The following ZNF362 variants were observed in gnomAD, a reference collection of about 807,000 sequenced individuals.
ZNF362 encodes zinc finger protein 362.
ZNF362 carries 11 observed loss-of-function variants against 42.9 expected under a neutral mutation model. The ratio of observed to expected loss-of-function variants is 0.26; its 90% CI spans 0.16 to 0.42. The LOEUF (loss-of-function observed/expected upper bound fraction) is 0.42, where lower values mean the gene tolerates loss of function less well. Among genes scored for constraint, ZNF362 ranks in the 20% least tolerant of loss-of-function variants. ZNF362 has a pLI of 1.00. For missense variants in ZNF362, 362 were observed against 576.2 expected, an observed-to-expected ratio of 0.63 and a Z score of 3.81; for synonymous variants, 255 against 257.3, an observed-to-expected ratio of 0.99 and a Z score of 0.09.
the ZNF362 span, among the ~76,000 whole-genome samples, chr1:33,185,877 G>T: frequency 3.3e-5 from 5 of 152,140 alleles, no homozygotes; most frequent in South Asian, 1.0e-3. Flanking sequence ...ACAATCACAG[G>T]CATTATTTGC....
chr1:33,200,810 C>A, the ZNF362 span, among the ~76,000 whole-genome samples: 1 of 152,146 alleles, frequency 6.6e-6, no homozygotes. Context: ...AAAGTCCTAA[C>A]CTCCAATGTG....
chr1:33,216,609 A>AAAAAAAG, the ZNF362 span, among the ~76,000 whole-genome samples: 2 of 150,888 alleles, frequency 1.3e-5, no homozygotes, highest in Admixed American at 6.6e-5. Flanking sequence ...CAAAAAAAAA[A>AAAAAAAG]AAAAAAAAAA....
At chr1:33,262,501 G>T (rs1463522259) in intron 1 of ZNF362, among the ~76,000 whole-genome samples, 2 of 151,852 alleles carry the variant, frequency 1.3e-5, no homozygotes, top group Non-Finnish European at 2.9e-5. Flanking sequence ...TAGAGATGGG[G>T]TTTCACCGTG....
At chr1:33,233,178 C>G in the ZNF362 span, among the ~76,000 whole-genome samples, 1 of 152,236 alleles carries the variant, frequency 6.6e-6, no homozygotes, top group Non-Finnish European at 1.5e-5. Flanking sequence ...CTCCCATTCT[C>G]ACTCTAAGCC....
At chr1:33,154,762 C>T in the ZNF362 span, among the ~76,000 whole-genome samples, 2 of 147,424 alleles carry the variant, frequency 1.4e-5, no homozygotes, top group African/African-American at 5.1e-5. Context: ...CACGCCACTG[C>T]ACTCCAGCCT....
At chr1:33,279,858 T>C (rs1645978322) in intron 4 of ZNF362, among the ~76,000 whole-genome samples, 1 of 152,226 alleles carries the variant, frequency 6.6e-6, no homozygotes, top group Admixed American at 6.5e-5. Flanking sequence ...TTTGCTGTTA[T>C]AAATAAGACG....
rs778521515 is a variant in ZNF362, at chr1:33,298,971, G to A, written c.1188G>A (p.Val396=). ...LMKHMSKHTV[V]EHLVSHHSPQ... is the part of the protein sequence containing the mutation. Reference sequence around the variant, plus strand: ...AGCACATGTCCAAACACACGGTGGTGGAGCACCTGGTGAGCCATCACTCGC... The same window carrying A: ...AGCACATGTCCAAACACACGGTGGTAGAGCACCTGGTGAGCCATCACTCGC... Residue 396 remains valine, a synonymous_variant, in exon 9 of 9, where the codon GTG becomes GTA. Transcript: ENST00000539719. The A allele has an allele frequency of 6.2e-7, 1 of 1,613,720 alleles. No individual in the cohort carries two copies. Among genetic ancestry groups the A allele is most frequent in the African/African-American group, 1.3e-5 (1 of 75,044 alleles).
chr1:33,141,959 C>G, the ZNF362 span: 1 of 153,008 alleles, frequency 6.5e-6, no homozygotes, highest in Non-Finnish European at 1.5e-5. Context: ...TCCCCCCTCC[C>G]CTCTCCTACT....
At chr1:33,131,557 T>C in the ZNF362 span, among the ~76,000 whole-genome samples, 8 of 152,242 alleles carry the variant, frequency 5.3e-5, no homozygotes, top group Non-Finnish European at 1.2e-4. Flanking sequence ...ACGATTTCAA[T>C]AATTTTTAAA....
rs954560281 is a variant in ZNF362, at chr1:33,266,507, C to A, written c.-88-3980C>A. Among the ~76,000 whole-genome samples the A allele has an allele frequency of 6.6e-6, 1 of 152,088 alleles. No homozygotes were observed. The highest frequency in any genetic ancestry group is 2.4e-5 in the African/African-American group (1 of 41,402). On this transcript the variant is annotated intron_variant, in intron 1 of 8. Transcript: ENST00000539719. The surrounding 1 kb of genome is among the most constrained non-coding windows in gnomAD (Gnocchi z 4.3). ...GAGTGTATAACAGGGTAGCCCAATT[C>A]CTATGTGGGAAACGTCAAAAGTGAC...
chr1:33,274,032 T>G (rs1645924422), intron 2 of ZNF362, among the ~76,000 whole-genome samples: 1 of 152,182 alleles, frequency 6.6e-6, no homozygotes, highest in African/African-American at 2.4e-5. Context: ...TGGCTTTACA[T>G]CTCGGTCCCC....
chr1:33,180,454 T>G, the ZNF362 span, among the ~76,000 whole-genome samples: 1 of 152,104 alleles, frequency 6.6e-6, no homozygotes, highest in Non-Finnish European at 1.5e-5. Context: ...TTTGGCACCC[T>G]AACTTATACC....
At chr1:33,278,083 A>G (rs898608404) in intron 4 of ZNF362, among the ~76,000 whole-genome samples, 2 of 152,106 alleles carry the variant, frequency 1.3e-5, no homozygotes, top group African/African-American at 4.8e-5. Context: ...TATTAAATTT[A>G]TTTTTTCCAT....
the ZNF362 span, chr1:33,165,595 G>C: frequency 6.4e-7 from 1 of 1,572,942 alleles, no homozygotes; most frequent in Non-Finnish European, 8.7e-7. The surrounding 1 kb of genome is among the most constrained non-coding windows in gnomAD (Gnocchi z 4.0). Flanking sequence ...CGGGATGGGG[G>C]CAGGGGCCAT....
the ZNF362 span, among the ~76,000 whole-genome samples, chr1:33,223,323 C>A: frequency 6.6e-6 from 1 of 152,194 alleles, no homozygotes; most frequent in East Asian, 1.9e-4. Flanking sequence ...GTCTGCTGCC[C>A]TGTGAGATGT....
chr1:33,233,217 C>G, the ZNF362 span, among the ~76,000 whole-genome samples: 7 of 152,224 alleles, frequency 4.6e-5, no homozygotes, highest in Non-Finnish European at 1.0e-4. Flanking sequence ...TTTAGTTCCC[C>G]TGATTGCTCC....
At chr1:33,222,923 G>A in the ZNF362 span, among the ~76,000 whole-genome samples, 2 of 152,170 alleles carry the variant, frequency 1.3e-5, no homozygotes, top group South Asian at 2.1e-4. Flanking sequence ...TCTCTTGAGA[G>A]TGAATAAGTC....
chr1:33,253,302 T>C (rs2148048458), upstream of ZNF362, among the ~76,000 whole-genome samples: 1 of 149,396 alleles, frequency 6.7e-6, no homozygotes, highest in African/African-American at 2.5e-5. Context: ...CCTAGCTTCC[T>C]GCACCTCACC....
chr1:33,282,858 G>T (rs1444950866), intron 6 of ZNF362, among the ~76,000 whole-genome samples: 5 of 151,262 alleles, frequency 3.3e-5, no homozygotes, highest in South Asian at 2.1e-4. Context: ...GTGCAGGAGG[G>T]TATAGACATC....
Sources: allele counts gnomAD v4.1 joint callset (sites outside exome capture counted in the v4.1 genomes callset), GRCh38; gene constraint gnomAD v4.1.1; non-coding constraint Gnocchi (gnomAD v3.1); transcripts MANE v1.5; gene names NCBI Gene and HGNC (gene_info 2026-07-23, HGNC 2026-07-21).